NUP153: variants seen among roughly 807,000 people sequenced by gnomAD.
NUP153 encodes nucleoporin 153.
A neutral mutation model predicts 134.6 loss-of-function variants in NUP153; 27 were observed. The ratio of observed to expected loss-of-function variants is 0.20; its 90% CI spans 0.15 to 0.28. The LOEUF (loss-of-function observed/expected upper bound fraction) is 0.28. NUP153 is among the 10% of genes least tolerant of loss of function. The probability of loss-of-function intolerance (pLI) is 1.00; values close to 1 mark genes in which losing one functional copy is unlikely to be tolerated. For synonymous variants in NUP153, 640 were observed against 623.5 expected, an observed-to-expected ratio of 1.03 and a Z score of -0.40; for missense variants, 1,821 against 1,731.3, an observed-to-expected ratio of 1.05 and a Z score of -0.92.
At chr6:17,616,278 C>CTGG in intron 21 of NUP153, 97 bp from the exon 22 acceptor site, 2 of 252,624 alleles carry the variant, frequency 7.9e-6, no homozygotes, top group South Asian at 6.0e-5. Context: ...TAAGGGGGGT[C>CTGG]GGGTGGGGGG....
rs1384245541 is a variant in NUP153 at position 17,638,394 on chromosome 6, T to C, written c.1847-624A>G. On this transcript the variant is annotated intron_variant, in intron 15 of 21. Transcript: ENST00000262077. This position sits in a 1 kb window ranked among gnomAD's most constrained non-coding sequence, Gnocchi z 4.0. The stretch of plus-strand genomic sequence containing the variant: ...ACACACAACACCACCATCTGTGATC[T>C]GTTTCTCCAGCCTTACCCGCCAAAG... 6.6e-6 allele frequency among the ~76,000 whole-genome samples: 1 copy of C among 152,206 alleles called. No individual in the cohort carries two copies. Among genetic ancestry groups the C allele is most frequent in the Non-Finnish European group, 1.5e-5 (1 of 68,036 alleles).
At chr6:17,685,215 A>G (rs1452064471) in intron 2 of NUP153, among the ~76,000 whole-genome samples, 2 of 151,892 alleles carry the variant, frequency 1.3e-5, no homozygotes, top group Admixed American at 1.3e-4. Context: ...AGAATCTGAC[A>G]CTACTTCAAC....
chr6:17,631,566 T>C (rs1032844230), intron 17 of NUP153, among the ~76,000 whole-genome samples: 1 of 152,236 alleles, frequency 6.6e-6, no homozygotes, highest in Non-Finnish European at 1.5e-5. Context: ...TTTATTTAGC[T>C]ACAACTTATA....
chr6:17,704,976 T>C (rs925329035), intron 1 of NUP153, among the ~76,000 whole-genome samples: 1 of 152,206 alleles, frequency 6.6e-6, no homozygotes, highest in Non-Finnish European at 1.5e-5. Context: ...CTGGATGGTC[T>C]GGATCTCCTG....
chr6:17,634,548 T>C (rs1765424413), intron 16 of NUP153, among the ~76,000 whole-genome samples: 1 of 152,144 alleles, frequency 6.6e-6, no homozygotes, highest in Non-Finnish European at 1.5e-5. Context: ...GCTATTCTCC[T>C]GCCTCTGCCT....
chr6:17,678,324 C>T (rs1443906553), intron 2 of NUP153, among the ~76,000 whole-genome samples: 2 of 138,316 alleles, frequency 1.4e-5, no homozygotes, highest in Non-Finnish European at 3.0e-5. Context: ...CCACTGAATT[C>T]CAGCCTGGTT....
chr6:17,632,966 T>C (rs1765338907), intron 16 of NUP153, 122 bp from the exon 17 acceptor site: 2 of 677,850 alleles, frequency 3.0e-6, no homozygotes, highest in Admixed American at 3.4e-5. Flanking sequence ...ATATTTCCTA[T>C]TAAAACACAG....
intron 2 of NUP153, among the ~76,000 whole-genome samples, chr6:17,679,180 A>G (rs917676462): frequency 4.6e-5 from 7 of 152,204 alleles, no homozygotes; most frequent in African/African-American, 1.7e-4. Context: ...AAGCTGTTAG[A>G]GCAAATTTAG....
chr6:17,688,518 T>G lies in NUP153; in HGVS notation c.212A>C (p.Asp71Ala), dbSNP rs766453043. 6.2e-7 allele frequency: 1 copy of G among 1,614,170 alleles called. No homozygotes were observed. Among genetic ancestry groups the G allele is most frequent in the Non-Finnish European group, 8.5e-7 (1 of 1,179,992 alleles). The change falls in exon 2 of 22, where the codon GAC becomes GCC. Residue 71 changes from aspartate (D) to alanine (A), a missense_variant. Physicochemically the swap from Asp to Ala is moderately radical, Grantham distance 126. Transcript: ENST00000262077. ...TGGCCAGCGTGGAACCTCGCTTGTG[T>G]CTGTTGAACAGCTGCATACATCTTC... ...KNEDVCSCST[D>A]TSEVPRWPEN...
At chr6:17,651,992 G>A (rs1412999380) in intron 11 of NUP153, 2 of 513,202 alleles carry the variant, frequency 3.9e-6, no homozygotes, top group Admixed American at 4.8e-5. Context: ...CTACTTGGGA[G>A]GCTCAGGTGG....
intron 5 of NUP153, among the ~76,000 whole-genome samples, chr6:17,670,095 CAAAAAAAA>C (rs71002244): frequency 2.0e-4 from 13 of 65,158 alleles, no homozygotes; most frequent in Non-Finnish European, 2.6e-4. Flanking sequence ...GACTCTTTCT[CAAAAAAAA>C]AAAAAAAAAA....
rs780972320 is a variant in NUP153, at chr6:17,625,793, C to G, written c.3901+15G>C. ...TCCATCCAATTACAATGCATTTTTT[C>G]TTTTGTAAATGTACCTGCAGAGCTA... On this transcript the variant is annotated intron_variant, in intron 19 of 21. Transcript: ENST00000262077. This position sits in a 1 kb window ranked among gnomAD's most constrained non-coding sequence, Gnocchi z 4.7. 1.3e-6 allele frequency: 2 copies of G among 1,580,552 alleles called. No individual in the cohort carries two copies. Among genetic ancestry groups the G allele is most frequent in the East Asian group, 4.5e-5 (2 of 44,542 alleles).
chr6:17,648,304 C>A (rs1271261248), intron 12 of NUP153, among the ~76,000 whole-genome samples: 1 of 152,112 alleles, frequency 6.6e-6, no homozygotes, highest in African/African-American at 2.4e-5. Context: ...CTGGGTAACA[C>A]AGCAAGACCT....
chr6:17,702,239 A>AG (rs1206344587), intron 1 of NUP153, among the ~76,000 whole-genome samples: 1 of 152,108 alleles, frequency 6.6e-6, no homozygotes, highest in East Asian at 1.9e-4. Context: ...CGGGCGAGGT[A>AG]GCTCATGCCT....
Position 17,670,095 on chromosome 6 carries a change from C to CAA in NUP153, c.853-551_853-550dup, listed in dbSNP as rs71002244. Reference sequence around the variant, plus strand: ...TGGGCAACAGAGCGAGACTCTTTCTCAAAAAAAAAAAAAAAAAAAAAAAAA... The same window carrying CAA: ...TGGGCAACAGAGCGAGACTCTTTCTCAAAAAAAAAAAAAAAAAAAAAAAAAAA... On this transcript the variant is annotated intron_variant, in intron 5 of 21. Coordinates refer to ENST00000262077, the MANE Select transcript of NUP153 (RefSeq NM_005124.4). Among the ~76,000 whole-genome samples the CAA allele has an allele frequency of 3.3e-3, 214 of 65,128 alleles. 1 individual carries two copies. Among genetic ancestry groups the CAA allele is most frequent in the Middle Eastern group, 0.02 (2 of 102 alleles). 42.7% of individuals were successfully genotyped at this position (65,128 alleles called of 152,430 possible).
chr6:17,618,754 G>A (rs1009478271), intron 20 of NUP153, among the ~76,000 whole-genome samples: 1 of 152,136 alleles, frequency 6.6e-6, no homozygotes, highest in Admixed American at 6.5e-5. Context: ...TCTTAGTAGA[G>A]ATGGGGTTTC....
rs145203588 is a variant in NUP153 at position 17,675,626 on chromosome 6, C to G, written c.479G>C (p.Ser160Thr). The change falls in exon 3 of 22, where the codon AGT (serine) becomes ACT (threonine). Residue 160 changes from serine to threonine, a missense_variant. Transcript: ENST00000262077. This position sits in a 1 kb window ranked among gnomAD's most constrained non-coding sequence, Gnocchi z 4.4. ...TTCCTTTACAAGGGAAAATCCCGAACTGCCAATTGGGAATGCCGAGGATGT... is the reference window on the plus strand; with the variant it reads ...TTCCTTTACAAGGGAAAATCCCGAAGTGCCAATTGGGAATGCCGAGGATGT... Reference protein sequence around the residue: ...PSTSSAFPIGSSGFSLVKEIK... With the variant: ...PSTSSAFPIGTSGFSLVKEIK... 7 of 1,614,038 alleles carry G rather than the reference C, an allele frequency of 4.3e-6. No individual in the cohort carries two copies. The African/African-American group carries it at 9.3e-5, about 22-fold the overall frequency.
chr6:17,664,957 G>A (rs1581726595), intron 9 of NUP153, among the ~76,000 whole-genome samples: 2 of 147,940 alleles, frequency 1.4e-5, no homozygotes, highest in South Asian at 2.1e-4. Flanking sequence ...GGGGGCTGAA[G>A]CAGGAGAATC....
At chr6:17,699,481 C>CA (rs147055009) in intron 1 of NUP153, among the ~76,000 whole-genome samples, 40,021 of 97,198 alleles carry the variant, frequency 0.41, 6,740 homozygotes, top group East Asian at 0.46. Flanking sequence ...AGACTCGTCT[C>CA]AAAAAAAAAA....
Sources: allele counts gnomAD v4.1 joint callset (sites outside exome capture counted in the v4.1 genomes callset), GRCh38; gene constraint gnomAD v4.1.1; non-coding constraint Gnocchi (gnomAD v3.1); transcripts MANE v1.5; gene names NCBI Gene and HGNC (gene_info 2026-07-23, HGNC 2026-07-21).